The following WWOX variants were observed in gnomAD, a reference collection of about 807,000 sequenced individuals.
WWOX encodes WW domain containing oxidoreductase.
Under a neutral mutation model 46.2 loss-of-function variants are expected in WWOX, and 69 were observed. That is an observed-to-expected ratio of 1.49 (90% confidence interval 1.23 to 1.82). The LOEUF is 1.82. WWOX is among the 40% of genes most tolerant of loss of function. The pLI is 0.00. For synonymous variants in WWOX, 359 were observed against 202.6 expected (o/e 1.77, Z -6.56); for missense variants, 919 against 542.6 (o/e 1.69, Z -6.89).
chr16:78,113,523 G>A (rs1037580150), intron 3 of WWOX, among the ~76,000 whole-genome samples: 1 of 152,188 alleles, frequency 6.6e-6, no homozygotes, highest in African/African-American at 2.4e-5. Context: ...ATCTAGAGGA[G>A]TAAGCAAGGG....
At chr16:78,396,443 C>G (rs1477511848) in intron 6 of WWOX, among the ~76,000 whole-genome samples, 2 of 152,156 alleles carry the variant, frequency 1.3e-5, no homozygotes, top group South Asian at 2.1e-4. Context: ...CTAGGTTTAA[C>G]TATCACTATC....
intron 8 of WWOX, among the ~76,000 whole-genome samples, chr16:78,555,965 G>C (rs191838127): frequency 3.8e-4 from 58 of 152,174 alleles, no homozygotes; most frequent in East Asian, 3.9e-4. Context: ...TGAAATGCAA[G>C]GAATCGAGTG....
At chr16:78,133,895 A>T (rs995911802) in intron 4 of WWOX, among the ~76,000 whole-genome samples, 1 of 152,250 alleles carries the variant, frequency 6.6e-6, no homozygotes, top group African/African-American at 2.4e-5. Context: ...GAGTTGTCAC[A>T]TTTAGAAATA....
chr16:78,229,586 G>C (rs1352418274), intron 5 of WWOX, among the ~76,000 whole-genome samples: 1 of 151,112 alleles, frequency 6.6e-6, no homozygotes, highest in East Asian at 1.9e-4. Context: ...CTAGGACTTA[G>C]AGTGATTAGC....
In WWOX at chr16:78,147,675, CT is replaced by C. The variant is rs33931881; in HGVS notation, c.410-16487del. Among the ~76,000 whole-genome samples the C allele has an allele frequency of 5.3e-3, 479 of 90,644 alleles. 10 individuals are homozygous for C. The highest frequency in any genetic ancestry group is 0.044 in the East Asian group (169 of 3,820). 59.5% of individuals were successfully genotyped at this position (90,644 alleles called of 152,430 possible). On this transcript the variant is annotated intron_variant, in intron 4 of 8. Transcript: ENST00000566780. Reference sequence around the variant, plus strand: ...TCTGAATTTTTCTTTTTCTTTCTTCCTTTTTTTTTTTTTTTTTTTTTAAAAA... The same window carrying C: ...TCTGAATTTTTCTTTTTCTTTCTTCCTTTTTTTTTTTTTTTTTTTTAAAAA...
At chr16:79,178,736 G>C (rs1336222754) in intron 8 of WWOX, among the ~76,000 whole-genome samples, 1 of 152,248 alleles carries the variant, frequency 6.6e-6, no homozygotes, top group East Asian at 1.9e-4. Flanking sequence ...TGCTCTTCCT[G>C]GATGGGAGAA....
intron 8 of WWOX, among the ~76,000 whole-genome samples, chr16:79,022,448 T>G (rs2047553137): frequency 6.6e-6 from 1 of 151,866 alleles, no homozygotes; most frequent in Non-Finnish European, 1.5e-5. Context: ...GCTGTCTACT[T>G]TACATTTTGT....
At chr16:78,935,331 A>G (rs1038395321) in intron 8 of WWOX, among the ~76,000 whole-genome samples, 11 of 152,202 alleles carry the variant, frequency 7.2e-5, no homozygotes, top group African/African-American at 1.9e-4. Flanking sequence ...ACTATTCACA[A>G]TAGCAAAGAC....
At chr16:78,996,944 C>A (rs1048997824) in intron 8 of WWOX, among the ~76,000 whole-genome samples, 1 of 152,238 alleles carries the variant, frequency 6.6e-6, no homozygotes, top group South Asian at 2.1e-4. Context: ...AGCATCCTCT[C>A]CCGCGCCTGG....
intron 5 of WWOX, among the ~76,000 whole-genome samples, chr16:78,367,445 G>T (rs565542105): frequency 2.0e-5 from 3 of 152,018 alleles, no homozygotes; most frequent in East Asian, 3.9e-4. Flanking sequence ...TATCATTAGG[G>T]TTAGTGTATT....
chr16:78,153,020 T>C (rs1186387237), intron 4 of WWOX, among the ~76,000 whole-genome samples: 1 of 152,248 alleles, frequency 6.6e-6, no homozygotes, highest in African/African-American at 2.4e-5. Flanking sequence ...GGGCTGGCTA[T>C]GACTTATTTT....
chr16:78,188,113 T>A (rs536149349), intron 5 of WWOX, among the ~76,000 whole-genome samples: 164 of 152,282 alleles, frequency 1.1e-3, no homozygotes, highest in African/African-American at 3.8e-3. Flanking sequence ...TATATGAAAT[T>A]TAGTACTTGT....
At chr16:78,730,615 C>G (rs1293246741) in intron 8 of WWOX, among the ~76,000 whole-genome samples, 1 of 95,278 alleles carries the variant, frequency 1.0e-5, no homozygotes, top group Non-Finnish European at 2.0e-5. Context: ...CCACGCCCGG[C>G]AATTTTTTTT....
chr16:78,146,899 G>A (rs1174875905), intron 4 of WWOX, among the ~76,000 whole-genome samples: 2 of 152,184 alleles, frequency 1.3e-5, no homozygotes, highest in Non-Finnish European at 1.5e-5. Flanking sequence ...AGCTAGCATT[G>A]CCCGTGCCTT....
At chr16:78,310,257 C>T (rs1301360657) in intron 5 of WWOX, among the ~76,000 whole-genome samples, 1 of 152,142 alleles carries the variant, frequency 6.6e-6, no homozygotes, top group East Asian at 1.9e-4. Flanking sequence ...GAAATTTCAC[C>T]TCTATTGTAT....
At chr16:78,753,818 AAAAAAAAATATATATATATATAT>A (rs1162785531) in intron 8 of WWOX, among the ~76,000 whole-genome samples, 66 of 82,604 alleles carry the variant, frequency 8.0e-4, no homozygotes, top group African/African-American at 2.8e-3. Flanking sequence ...AAAAAAAAAA[AAAAAAAAATATATATATATATAT>A]ATATATATAT....
intron 8 of WWOX, among the ~76,000 whole-genome samples, chr16:78,751,513 A>G (rs1350776089): frequency 1.4e-5 from 2 of 147,422 alleles, no homozygotes; most frequent in African/African-American, 4.9e-5. Flanking sequence ...ATAAATATAC[A>G]TGTAAAGACC....
chr16:78,446,099 G>A (rs1366460062), intron 8 of WWOX, among the ~76,000 whole-genome samples: 1 of 152,160 alleles, frequency 6.6e-6, no homozygotes, highest in African/African-American at 2.4e-5. Context: ...TGGTATTGAT[G>A]TGTTTTTCTT....
chr16:78,729,727 C>T (rs534883287), intron 8 of WWOX, among the ~76,000 whole-genome samples: 1 of 152,184 alleles, frequency 6.6e-6, no homozygotes. Flanking sequence ...TAATTTGTTA[C>T]AGCAGACATA....
Sources: gnomAD v4.1 joint callset for allele counts (sites outside exome capture counted in the v4.1 genomes callset) on GRCh38, gnomAD v4.1.1 for gene constraint, MANE v1.5 for transcripts, NCBI Gene and HGNC (gene_info 2026-07-23, HGNC 2026-07-21) for gene names.